Variants in ZNF831 observed in about 807,000 individuals in gnomAD.
ZNF831 encodes the protein chromosome 20 open reading frame 174.
A neutral mutation model predicts 95.8 loss-of-function variants in ZNF831; 59 were observed. The ratio of observed to expected loss-of-function variants is 0.62; its 90% CI spans 0.50 to 0.77. The LOEUF (loss-of-function observed/expected upper bound fraction) is 0.77, where lower values mean the gene tolerates loss of function less well. Ranked by LOEUF, ZNF831 falls within the 30% of genes least tolerant of loss-of-function variation. The probability of loss-of-function intolerance (pLI) is 0.00; values close to 1 mark genes in which losing one functional copy is unlikely to be tolerated. For synonymous variants in ZNF831, 961 were observed against 925.5 expected, an observed-to-expected ratio of 1.04 and a Z score of -0.70; for missense variants, 2,205 against 2,164.0, an observed-to-expected ratio of 1.02 and a Z score of -0.38.
chr20:59,184,958 T>C (rs1162381287), intron 1 of ZNF831, among the ~76,000 whole-genome samples: 2 of 152,162 alleles, frequency 1.3e-5, no homozygotes, highest in Non-Finnish European at 2.9e-5. Context: ...GGTGGGGAGC[T>C]GCACACGCGG....
Position 59,191,891 on chromosome 20 carries a change from C to T in ZNF831, c.872C>T (p.Pro291Leu), listed in dbSNP as rs2146555810. 3.1e-6 allele frequency: 5 copies of T among 1,612,910 alleles called. No homozygotes were observed. Among genetic ancestry groups the T allele is most frequent in the Non-Finnish European group, 3.4e-6 (4 of 1,179,960 alleles). ...DSAPMASPGLPAASTQPWRKL... is the reference protein window; with the variant it reads ...DSAPMASPGLLAASTQPWRKL... ...GCCCCCATGGCGTCACCTGGGCTCC[C>T]AGCGGCCAGCACACAACCCTGGCGT... Residue 291 changes from proline to leucine, a missense_variant, in exon 2 of 6, where the codon CCA (proline) becomes CTA (leucine). By Grantham distance (98) the Pro-to-Leu change is moderately conservative. Transcript: ENST00000371030.
chr20:59,214,536 A>G (rs938904494), intron 4 of ZNF831, among the ~76,000 whole-genome samples: 2 of 152,214 alleles, frequency 1.3e-5, no homozygotes, highest in African/African-American at 4.8e-5. Context: ...TTCTAGCCCA[A>G]GGAGAAATTC....
intron 1 of ZNF831, among the ~76,000 whole-genome samples, chr20:59,129,629 A>G (rs955700374): frequency 2.6e-5 from 4 of 152,128 alleles, no homozygotes; most frequent in Admixed American, 2.0e-4. Flanking sequence ...GCTCAAACAG[A>G]CAAACAAACA....
intron 1 of ZNF831, among the ~76,000 whole-genome samples, chr20:59,143,968 C>T (rs954726480): frequency 4.6e-5 from 7 of 152,168 alleles, no homozygotes; most frequent in African/African-American, 9.7e-5. Flanking sequence ...AGTGATTATC[C>T]GCTGAGTGCT....
At chr20:59,146,021 C>T (rs1239903144) in intron 1 of ZNF831, among the ~76,000 whole-genome samples, 4 of 152,080 alleles carry the variant, frequency 2.6e-5, no homozygotes, top group South Asian at 4.1e-4. Context: ...GAAACCCAGC[C>T]GTGTAGCTGC....
At chr20:59,180,698 A>G (rs1387271869) in intron 1 of ZNF831, among the ~76,000 whole-genome samples, 3 of 152,230 alleles carry the variant, frequency 2.0e-5, no homozygotes, top group African/African-American at 7.2e-5. Context: ...TGCAAAGGAC[A>G]TGAACTCATT....
At chr20:59,142,725 T>G (rs748030185) in intron 1 of ZNF831, among the ~76,000 whole-genome samples, 1 of 152,232 alleles carries the variant, frequency 6.6e-6, no homozygotes, top group Non-Finnish European at 1.5e-5. Flanking sequence ...CTTTTCTGTT[T>G]TCATTATGGT....
At chr20:59,202,718 A>G (rs548384383) in intron 3 of ZNF831, among the ~76,000 whole-genome samples, 5 of 152,280 alleles carry the variant, frequency 3.3e-5, no homozygotes, top group Admixed American at 2.6e-4. Flanking sequence ...ACTGAAGAAC[A>G]TTCTGGGCTT....
chr20:59,252,950 A>G (rs773628910), intron 4 of ZNF831, 28 bp from the exon 5 acceptor site: 3 of 1,606,864 alleles, frequency 1.9e-6, no homozygotes, highest in African/African-American at 2.7e-5. Context: ...AATTCCAGTC[A>G]TATGTAAATG....
chr20:59,219,655 G>A (rs141107435), intron 4 of ZNF831, among the ~76,000 whole-genome samples: 1 of 152,160 alleles, frequency 6.6e-6, no homozygotes, highest in African/African-American at 2.4e-5. Flanking sequence ...AGGGCATGTG[G>A]GAGAACCGAA....
At chr20:59,147,025 CG>C (rs1398569844) in intron 2 of ZNF831, 1 of 152,134 alleles carries the variant, frequency 6.6e-6, no homozygotes, top group Non-Finnish European at 1.5e-5. Context: ...CCTTGCTTAT[CG>C]AGCATGTCTC....
chr20:59,171,385 T>C (rs1981722367), intron 1 of ZNF831, among the ~76,000 whole-genome samples: 1 of 152,260 alleles, frequency 6.6e-6, no homozygotes, highest in Non-Finnish European at 1.5e-5. Context: ...TAAATTTCTA[T>C]CTGGCACAGT....
At chr20:59,135,053 C>CGGT in intron 1 of ZNF831, among the ~76,000 whole-genome samples, 1 of 152,242 alleles carries the variant, frequency 6.6e-6, no homozygotes, top group East Asian at 1.9e-4. Flanking sequence ...TTCAGCCTCT[C>CGGT]GGTAGCTCTA....
intron 1 of ZNF831, among the ~76,000 whole-genome samples, chr20:59,125,272 C>T (rs1477126104): frequency 6.6e-6 from 1 of 152,212 alleles, no homozygotes; most frequent in Non-Finnish European, 1.5e-5. Flanking sequence ...CCTCACCCTG[C>T]TGTAGAACTT....
intron 4 of ZNF831, among the ~76,000 whole-genome samples, chr20:59,247,920 G>A (rs1214011883): frequency 6.6e-6 from 1 of 152,206 alleles, no homozygotes; most frequent in African/African-American, 2.4e-5. Flanking sequence ...CATTAAAGAT[G>A]TCTACAGTTA....
intron 1 of ZNF831, among the ~76,000 whole-genome samples, chr20:59,130,357 T>G (rs1204847717): frequency 1.3e-5 from 2 of 152,090 alleles, no homozygotes; most frequent in Non-Finnish European, 2.9e-5. Flanking sequence ...TTGGAAGGTG[T>G]GAGGGTTTGC....
chr20:59,223,425 T>G (rs1286727212), intron 4 of ZNF831, among the ~76,000 whole-genome samples: 1 of 152,026 alleles, frequency 6.6e-6, no homozygotes, highest in African/African-American at 2.4e-5. Flanking sequence ...TAAAAGCACA[T>G]GGAAAAATGT....
In ZNF831 at chr20:59,191,657, T is replaced by C. The variant is rs1385089115; in HGVS notation, c.638T>C (p.Leu213Pro). 6.4e-7 allele frequency: 1 copy of C among 1,560,394 alleles called. No individual in the cohort carries two copies. The highest frequency in any genetic ancestry group is 1.4e-5 in the African/African-American group (1 of 73,514). Residue 213 changes from leucine to proline, a missense_variant, in exon 2 of 6, where the codon CTC (leucine) becomes CCC (proline). Transcript: ENST00000371030. Reference protein sequence around the residue: ...SSESEGAGGGLLEEGDKAGEP... With the variant: ...SSESEGAGGGPLEEGDKAGEP... ...GAGTCCGAGGGCGCCGGGGGCGGCC[T>C]CCTGGAGGAAGGGGACAAGGCCGGA...
intron 1 of ZNF831, among the ~76,000 whole-genome samples, chr20:59,167,633 G>T (rs1442808712): frequency 1.3e-5 from 2 of 151,800 alleles, no homozygotes; most frequent in African/African-American, 4.8e-5. Context: ...TTCTATATAA[G>T]TAAGATGTGA....
Sources: allele counts gnomAD v4.1 joint callset (sites outside exome capture counted in the v4.1 genomes callset), GRCh38; gene constraint gnomAD v4.1.1; transcripts MANE v1.5; gene names NCBI Gene and HGNC (gene_info 2026-07-23, HGNC 2026-07-21).